The following FRMPD1 variants were observed in gnomAD, a reference collection of about 807,000 sequenced individuals.
The protein encoded by FRMPD1 is FERM and PDZ domain-containing protein 1.
In FRMPD1, 76 loss-of-function variants were observed where a neutral mutation model predicts 117.8. That is an observed-to-expected ratio of 0.65 (90% CI 0.54 to 0.78). The LOEUF is 0.78. Among genes scored for constraint, FRMPD1 ranks in the 30% least tolerant of loss-of-function variants. The pLI is 0.00. For missense variants in FRMPD1, 1,786 were observed against 1,964.5 expected (o/e 0.91, Z 1.72); for synonymous variants, 783 against 770.4 (o/e 1.02, Z -0.27).
chr9:37,740,130 C>T lies in FRMPD1; in HGVS notation c.1602C>T (p.Cys534=), dbSNP rs764948858. 3.5e-5 allele frequency: 57 copies of T among 1,613,368 alleles called. No individual in the cohort carries two copies. In the East Asian group the frequency reaches 5.8e-4, roughly 16 times the overall value. The part of the protein sequence containing the change: ...SDSEESSEVD[C]VLEPLSDRRL... ...CAGAGGAGTCCTCTGAGGTGGACTGCGTACTCGAACCTCTCTCTGACAGGC... is the reference window on the plus strand; with the variant it reads ...CAGAGGAGTCCTCTGAGGTGGACTGTGTACTCGAACCTCTCTCTGACAGGC... Residue 534 remains cysteine, a synonymous_variant, in exon 15 of 16, where the codon TGC becomes TGT. Transcript: ENST00000377765. This position sits in a 1 kb window ranked among gnomAD's most constrained non-coding sequence, Gnocchi z 4.2.
intron 1 of FRMPD1, among the ~76,000 whole-genome samples, chr9:37,680,529 G>A (rs1052419500): frequency 6.6e-6 from 1 of 152,194 alleles, no homozygotes; most frequent in Non-Finnish European, 1.5e-5. Context: ...TGGTCTGGCA[G>A]TTTGTTGACA....
Position 37,733,528 on chromosome 9 carries a change from G to A in FRMPD1, c.1051G>A (p.Gly351Ser). 3 of 1,613,676 alleles carry A rather than the reference G, an allele frequency of 1.9e-6. No individual in the cohort carries two copies. Among genetic ancestry groups the A allele is most frequent in the Non-Finnish European group, 2.5e-6 (3 of 1,179,620 alleles). The stretch of plus-strand genomic sequence containing the variant: ...TCCAACTTTACTCCGAAACATGAAA[G>A]GCAAAGACATCAAGAAAGCCATTAG... ...ISPTLLRNMK[G>S]KDIKKAISFH... The change falls in exon 11 of 16, where the codon GGC becomes AGC. Residue 351 changes from glycine (G) to serine (S), a missense_variant. Physicochemically the swap from Gly to Ser is moderately conservative, Grantham distance 56. Transcript: ENST00000377765.
At chr9:37,659,923 A>T (rs1423129287) in intron 1 of FRMPD1, among the ~76,000 whole-genome samples, 3 of 150,054 alleles carry the variant, frequency 2.0e-5, no homozygotes, top group Non-Finnish European at 4.4e-5. Flanking sequence ...ACTAAAAAAA[A>T]AAAAAAAAAA....
the FRMPD1 span, among the ~76,000 whole-genome samples, chr9:37,603,685 G>A: frequency 6.6e-6 from 1 of 151,646 alleles, no homozygotes; most frequent in African/African-American, 2.4e-5. Flanking sequence ...GTTTTGTTTT[G>A]TTTTGTTTTT....
At chr9:37,688,399 A>C (rs928906226) in intron 1 of FRMPD1, among the ~76,000 whole-genome samples, 1 of 151,962 alleles carries the variant, frequency 6.6e-6, no homozygotes, top group Non-Finnish European at 1.5e-5. Flanking sequence ...TTTCCATCCT[A>C]CTGGCAAATT....
chr9:37,689,038 T>C (rs1291874476), intron 1 of FRMPD1, among the ~76,000 whole-genome samples: 1 of 152,126 alleles, frequency 6.6e-6, no homozygotes, highest in Admixed American at 6.5e-5. Flanking sequence ...TCCTCACCCT[T>C]GAATTTCTCT....
rs186516752 is a variant in FRMPD1, at chr9:37,696,023, T to C, written c.101+3281T>C. ...CCAGCCTCACCTTGTTCCTCTTCTT[T>C]CCTTGCTCACCGTTCTCCATTGTTT... On this transcript the variant is annotated intron_variant, in intron 2 of 15. Coordinates refer to ENST00000377765, the MANE Select transcript of FRMPD1 (RefSeq NM_014907.3). 2.7e-5 allele frequency among the ~76,000 whole-genome samples: 4 copies of C among 150,246 alleles called. No individual in the cohort carries two copies. In the East Asian group the frequency reaches 7.8e-4, roughly 29 times the overall value.
At chr9:37,647,597 T>TATTC (rs1824165914), upstream of FRMPD1, among the ~76,000 whole-genome samples, 3 of 152,336 alleles carry the variant, frequency 2.0e-5, no homozygotes, top group South Asian at 6.2e-4. Context: ...TTTGTTGATT[T>TATTC]ATTCATTCAT....
rs372673334 is a variant in FRMPD1, at chr9:37,746,696, C to T, written c.4664C>T (p.Ala1555Val). 8.7e-6 allele frequency: 14 copies of T among 1,613,964 alleles called. No individual in the cohort carries two copies. In the African/African-American group the frequency reaches 1.7e-4, roughly 20 times the overall value. ...CACGACCTGAGTGTGAAACTCCTGG[C>T]CCGTCAGTGCACGGCCCTCACGGCC... ...GYHDLSVKLL[A>V]RQCTALTAAV... Residue 1555 changes from alanine (A) to valine (V), a missense_variant, in exon 16 of 16, where the codon GCC (alanine) becomes GTC (valine). By Grantham distance (64) the Ala-to-Val change is moderately conservative. Coordinates refer to ENST00000377765, the MANE Select transcript of FRMPD1 (RefSeq NM_014907.3).
intron 1 of FRMPD1, among the ~76,000 whole-genome samples, chr9:37,661,437 A>G (rs1034462382): frequency 1.3e-5 from 2 of 152,250 alleles, no homozygotes; most frequent in East Asian, 1.9e-4. Context: ...TAAATATTCA[A>G]TAAATGTTAA....
chr9:37,614,205 G>C, the FRMPD1 span, among the ~76,000 whole-genome samples: 6 of 152,304 alleles, frequency 3.9e-5, no homozygotes, highest in East Asian at 1.2e-3. Context: ...CCCAAGTCTT[G>C]AATCAAAGAT....
At chr9:37,627,632 C>T in the FRMPD1 span, among the ~76,000 whole-genome samples, 1 of 152,210 alleles carries the variant, frequency 6.6e-6, no homozygotes, top group Non-Finnish European at 1.5e-5. Flanking sequence ...CCACACCATG[C>T]CCAGCTAATT....
rs1184342064 is a variant in FRMPD1 at position 37,717,697 on chromosome 9, AAC to A, written c.409-1371_409-1370del. ...ACGCAGCCTGATTTTGCCAAGAATT[AAC>A]GACAAACTAATCAATATGTGTTTTC... On this transcript the variant is annotated intron_variant, in intron 5 of 15. Transcript: ENST00000377765. 1.1e-3 allele frequency among the ~76,000 whole-genome samples: 168 copies of A among 152,270 alleles called. 1 individual carries two copies. Among genetic ancestry groups the A allele is most frequent in the Non-Finnish European group, 3.1e-4 (21 of 68,026 alleles).
intron 2 of FRMPD1, among the ~76,000 whole-genome samples, chr9:37,697,530 G>C (rs1334579226): frequency 6.6e-6 from 1 of 151,834 alleles, no homozygotes; most frequent in African/African-American, 2.4e-5. Flanking sequence ...TAGCGCCACT[G>C]CACTCCAGCC....
At chr9:37,686,690 T>C (rs1367399227) in intron 1 of FRMPD1, among the ~76,000 whole-genome samples, 4 of 152,340 alleles carry the variant, frequency 2.6e-5, no homozygotes, top group South Asian at 2.1e-4. Flanking sequence ...ACCATGTATG[T>C]TTATAGAAAC....
rs374120441 is a variant in FRMPD1, at chr9:37,693,935, AC to A, written c.101+1197del. ...GAGTCAGGATGAATTTCTCCATAGG[AC>A]CCCGTAGTATTTTATTTGTAGCACT... On this transcript the variant is annotated intron_variant, in intron 2 of 15. Transcript: ENST00000377765. Among the ~76,000 whole-genome samples the A allele has an allele frequency of 2.1e-3, 324 of 151,878 alleles. 1 individual carries two copies. Among genetic ancestry groups the A allele is most frequent in the African/African-American group, 7.4e-3 (307 of 41,376 alleles).
chr9:37,623,198 GTGCTGAGACC>G, the FRMPD1 span, among the ~76,000 whole-genome samples: 1 of 152,230 alleles, frequency 6.6e-6, no homozygotes, highest in Admixed American at 6.5e-5. Flanking sequence ...GAAGCTGTGT[GTGCTGAGACC>G]ACTCTATGCT....
chr9:37,737,777 C>G lies in FRMPD1; in HGVS notation c.1549+534C>G, dbSNP rs1009511567. Reference sequence around the variant, plus strand: ...AGTGGAGGTTGCAGTGAGCCGAGATCGTGCCATTGCACTCCAGCCTGGGCA... The same window carrying G: ...AGTGGAGGTTGCAGTGAGCCGAGATGGTGCCATTGCACTCCAGCCTGGGCA... On this transcript the variant is annotated intron_variant, in intron 14 of 15. Transcript: ENST00000377765. Among the ~76,000 whole-genome samples, 57 of 146,132 alleles carry G rather than the reference C, an allele frequency of 3.9e-4. No homozygotes were observed. The Admixed American group carries it at 4.0e-3, about 10-fold the overall frequency.
At chr9:37,605,676 G>T in the FRMPD1 span, among the ~76,000 whole-genome samples, 1 of 146,094 alleles carries the variant, frequency 6.8e-6, no homozygotes, top group Non-Finnish European at 1.5e-5. Context: ...TGTCATTCTG[G>T]TAGAATTTTA....
Sources: allele counts gnomAD v4.1 joint callset (sites outside exome capture counted in the v4.1 genomes callset), GRCh38; gene constraint gnomAD v4.1.1; non-coding constraint Gnocchi (gnomAD v3.1); transcripts MANE v1.5; gene names NCBI Gene and HGNC (gene_info 2026-07-23, HGNC 2026-07-21).